The following PDE11A variants were observed in gnomAD, a reference collection of about 807,000 sequenced individuals.
PDE11A encodes dual 3',5'-cyclic-AMP and -GMP phosphodiesterase 11A.
PDE11A carries 100 observed loss-of-function variants against 100.5 expected under a neutral mutation model. The observed-to-expected ratio is 1.00, with a 90% CI of 0.85 to 1.18. The LOEUF is 1.18. PDE11A is among the 50% of genes most tolerant of loss of function. PDE11A has a pLI of 0.00. For synonymous variants in PDE11A, 381 were observed against 420.8 expected (o/e 0.91, Z 1.16); for missense variants, 1,141 against 1,152.6 (o/e 0.99, Z 0.15).
chr2:177,669,592 T>C (rs1357623229), intron 17 of PDE11A, 25 bp from the exon 18 acceptor site: 2 of 1,063,332 alleles, frequency 1.9e-6, no homozygotes, highest in East Asian at 2.4e-5. Flanking sequence ...TATTTTAATC[T>C]GTGATTATGT....
chr2:177,771,656 C>G (rs1230516537), intron 9 of PDE11A, among the ~76,000 whole-genome samples: 1 of 152,154 alleles, frequency 6.6e-6, no homozygotes, highest in Non-Finnish European at 1.5e-5. Flanking sequence ...ATTATAAGAT[C>G]TGCAGCAACT....
intron 4 of PDE11A, among the ~76,000 whole-genome samples, chr2:177,878,984 A>T (rs927997656): frequency 3.3e-5 from 5 of 152,318 alleles, no homozygotes; most frequent in African/African-American, 1.2e-4. Context: ...TAAACTGTTA[A>T]TTGTTTCTGC....
chr2:177,980,635 A>G (rs2085869410), intron 2 of PDE11A, among the ~76,000 whole-genome samples: 1 of 150,760 alleles, frequency 6.6e-6, no homozygotes, highest in Admixed American at 6.6e-5. Flanking sequence ...TTTTAAAAGA[A>G]ATTCTTTTGA....
At chr2:178,107,711 C>CTTTTTTTTTTTTTT (rs772556248) in intron 1 of PDE11A, among the ~76,000 whole-genome samples, 1 of 142,654 alleles carries the variant, frequency 7.0e-6, no homozygotes. Flanking sequence ...TTAACAATTC[C>CTTTTTTTTTTTTTT]TTTTTTTTTC....
In PDE11A at chr2:177,627,095, G is replaced by A. The variant is rs1426433748; in HGVS notation, c.*2312C>T. 1.7e-5 allele frequency: 2 copies of A among 119,058 alleles called. No individual in the cohort carries two copies. Among genetic ancestry groups the A allele is most frequent in the African/African-American group, 3.4e-5 (1 of 29,670 alleles). The allele number at this position is 119,058 out of a possible 1,614,324, so 7.4% of individuals were successfully genotyped here. A position where few individuals can be genotyped will look rare whatever the true frequency, so the allele number is the denominator to read the frequency against. On this transcript the variant is annotated 3_prime_UTR_variant, in exon 20 of 20. Transcript: ENST00000286063. ...GTCGCCCAGGCTGGAGGGCAGTGAC[G>A]TGATCTCGACTCACTGCAAGCTCCG...
At chr2:177,654,638 G>A (rs57000468) in intron 19 of PDE11A, among the ~76,000 whole-genome samples, 14,989 of 152,246 alleles carry the variant, frequency 0.098, 919 homozygotes, top group East Asian at 0.18. Flanking sequence ...AAATGTGTTT[G>A]GATGTGGACA....
intron 6 of PDE11A, among the ~76,000 whole-genome samples, chr2:177,820,588 A>T (rs1354903684): frequency 6.6e-6 from 1 of 151,950 alleles, no homozygotes; most frequent in Non-Finnish European, 1.5e-5. Context: ...TATCTTGATC[A>T]TGACCACACC....
chr2:177,829,149 T>C (rs2083270608), intron 6 of PDE11A, among the ~76,000 whole-genome samples: 1 of 151,938 alleles, frequency 6.6e-6, no homozygotes, highest in African/African-American at 2.4e-5. Flanking sequence ...TCCTGAAGGA[T>C]TGTGTTGCCT....
At chr2:177,781,960 T>G (rs966817011) in intron 9 of PDE11A, among the ~76,000 whole-genome samples, 1 of 152,268 alleles carries the variant, frequency 6.6e-6, no homozygotes, top group Non-Finnish European at 1.5e-5. Flanking sequence ...AAAGGTTTAA[T>G]GTAATCATTC....
chr2:177,981,882 G>A lies in PDE11A; in HGVS notation c.1071+32420C>T, dbSNP rs1361318243. On this transcript the variant is annotated intron_variant, in intron 2 of 19. Coordinates refer to ENST00000286063, the MANE Select transcript of PDE11A (RefSeq NM_016953.4). ...TCAGTCTTTTCAATGGAATGACATA[G>A]GTATGAACTTAATGAGTATCCTTCC... is the stretch of plus-strand genomic sequence containing the variant. Among the ~76,000 whole-genome samples, 4 of 150,826 alleles carry A rather than the reference G, an allele frequency of 2.7e-5. 1 individual carries two copies. Among genetic ancestry groups the A allele is most frequent in the Non-Finnish European group, 5.9e-5 (4 of 67,316 alleles).
In PDE11A at chr2:178,063,425, C is replaced by T. The variant is rs148762013; in HGVS notation, c.912+8101G>A. ...CATGAAGAAAGTTCATACTCACAGA[C>T]CCTAGAAACGGGAGGCATGGCACAC... On this transcript the variant is annotated intron_variant, in intron 1 of 19. Transcript: ENST00000286063. Among the ~76,000 whole-genome samples, 599 of 152,194 alleles carry T rather than the reference C, an allele frequency of 3.9e-3. 8 individuals carry two copies. The highest frequency in any genetic ancestry group is 0.013 in the African/African-American group (557 of 41,528).
intron 6 of PDE11A, among the ~76,000 whole-genome samples, chr2:177,826,826 A>G (rs1268029763): frequency 6.6e-6 from 1 of 152,144 alleles, no homozygotes; most frequent in East Asian, 1.9e-4. Flanking sequence ...TCACTGTCCA[A>G]TCTACCCTTC....
At chr2:177,908,426 A>G (rs2084824762) in intron 2 of PDE11A, among the ~76,000 whole-genome samples, 1 of 152,144 alleles carries the variant, frequency 6.6e-6, no homozygotes, top group Non-Finnish European at 1.5e-5. Context: ...CCAGAGTAGA[A>G]AGTTGGGGCA....
intron 12 of PDE11A, among the ~76,000 whole-genome samples, chr2:177,717,648 T>C (rs2081462003): frequency 1.3e-5 from 2 of 152,142 alleles, no homozygotes; most frequent in Non-Finnish European, 2.9e-5. Context: ...CATATAAACC[T>C]ATTTCCCATG....
At position 177,624,007 on chromosome 2, in the gene PDE11A, T is replaced by C. The variant is rs1046446778; in HGVS notation, c.*5400A>G. Reference sequence around the variant, plus strand: ...CCTCATTTTATTTCTGCCCTCTATATGTTTTATTCTATTATTCTTCACTTA... The same window carrying C: ...CCTCATTTTATTTCTGCCCTCTATACGTTTTATTCTATTATTCTTCACTTA... On this transcript the variant is annotated 3_prime_UTR_variant, in exon 20 of 20. Transcript: ENST00000286063. 1 of 152,214 alleles carries C rather than the reference T, an allele frequency of 6.6e-6. No homozygotes were observed. The highest frequency in any genetic ancestry group is 1.5e-5 in the Non-Finnish European group (1 of 68,038). 9.4% of individuals were successfully genotyped at this position (152,214 alleles called of 1,614,324 possible).
At chr2:177,743,417 G>A (rs1254229016) in intron 10 of PDE11A, among the ~76,000 whole-genome samples, 2 of 152,176 alleles carry the variant, frequency 1.3e-5, no homozygotes, top group East Asian at 3.9e-4. Context: ...GAAAGAAATT[G>A]GGTCATCAAG....
chr2:178,106,250 T>C (rs142226531), intron 1 of PDE11A, among the ~76,000 whole-genome samples: 66 of 152,266 alleles, frequency 4.3e-4, no homozygotes, highest in African/African-American at 1.6e-3. Flanking sequence ...CAAAACCAGC[T>C]CTCCCTAACT....
intron 1 of PDE11A, among the ~76,000 whole-genome samples, chr2:178,104,736 C>G (rs1255045932): frequency 6.6e-6 from 1 of 152,146 alleles, no homozygotes; most frequent in Admixed American, 6.5e-5. Flanking sequence ...TCAGAAACTG[C>G]TATTGGTATC....
At chr2:177,753,392 A>C (rs1455175356) in intron 10 of PDE11A, among the ~76,000 whole-genome samples, 1 of 152,126 alleles carries the variant, frequency 6.6e-6, no homozygotes, top group Non-Finnish European at 1.5e-5. Context: ...AACCAGAAAG[A>C]GGAAAACCTT....
Sources: allele counts gnomAD v4.1 joint callset (sites outside exome capture counted in the v4.1 genomes callset), GRCh38; gene constraint gnomAD v4.1.1; transcripts MANE v1.5; gene names NCBI Gene and HGNC (gene_info 2026-07-23, HGNC 2026-07-21).